Variants in DCC observed in about 807,000 individuals in gnomAD.
DCC encodes the protein DCC netrin 1 receptor.
DCC carries 58 observed loss-of-function variants against 172.5 expected under a neutral mutation model. The observed-to-expected ratio is 0.34, with a 90% CI of 0.27 to 0.42. The LOEUF (loss-of-function observed/expected upper bound fraction) is 0.42, where lower values mean the gene tolerates loss of function less well. Ranked by LOEUF, DCC falls within the 10% of genes least tolerant of loss-of-function variation. DCC has a pLI of 1.00. For missense variants in DCC, 1,740 were observed against 1,791.0 expected (o/e 0.97, Z 0.51); for synonymous variants, 709 against 644.5 (o/e 1.10, Z -1.52).
intron 6 of DCC, 137 bp from the exon 7 acceptor site, chr18:53,065,909 G>C (rs952076617): frequency 1.0e-6 from 1 of 998,134 alleles, no homozygotes; most frequent in East Asian, 2.4e-5. Context: ...ACACGTCTGC[G>C]AGGCTGAGAC....
chr18:53,049,687 C>T (rs1020849979), intron 5 of DCC, among the ~76,000 whole-genome samples: 1 of 151,774 alleles, frequency 6.6e-6, no homozygotes, highest in African/African-American at 2.4e-5. Context: ...TTTTTTGGTT[C>T]CATGTAAATT....
intron 1 of DCC, among the ~76,000 whole-genome samples, chr18:52,748,951 C>G (rs1412731556): frequency 6.6e-6 from 1 of 152,300 alleles, no homozygotes; most frequent in South Asian, 2.1e-4. Flanking sequence ...AATCTCAGCA[C>G]TTCGGGAGGC....
intron 2 of DCC, among the ~76,000 whole-genome samples, chr18:52,856,239 A>C (rs1261925696): frequency 6.6e-6 from 1 of 152,212 alleles, no homozygotes; most frequent in Non-Finnish European, 1.5e-5. Flanking sequence ...GTATATGTGA[A>C]TATAGATAGA....
rs764502378 is a variant in DCC at position 53,261,358 on chromosome 18, G to A, written c.1912-44220G>A. 1.9e-3 allele frequency among the ~76,000 whole-genome samples: 293 copies of A among 152,266 alleles called. 8 individuals carry two copies. The highest frequency in any genetic ancestry group is 1.7e-3 in the East Asian group (9 of 5,154). ...CCATCTTGGCTCCACACCCTCGTGA[G>A]GACGTTTTGTGTCCTCTTCTCCTGC... On this transcript the variant is annotated intron_variant, in intron 12 of 28. Transcript: ENST00000442544.
intron 1 of DCC, among the ~76,000 whole-genome samples, chr18:52,626,631 T>C (rs968890607): frequency 1.3e-5 from 2 of 152,186 alleles, no homozygotes; most frequent in African/African-American, 4.8e-5. Flanking sequence ...ACCTTGTACC[T>C]TCCCAGAAAA....
intron 7 of DCC, among the ~76,000 whole-genome samples, chr18:53,154,590 C>G (rs1157253011): frequency 6.6e-6 from 1 of 152,116 alleles, no homozygotes; most frequent in East Asian, 1.9e-4. Context: ...CTGGGGGACA[C>G]TTGTGGTAAT....
chr18:53,200,043 T>A (rs779893571), intron 9 of DCC, among the ~76,000 whole-genome samples: 3 of 152,112 alleles, frequency 2.0e-5, no homozygotes, highest in African/African-American at 4.8e-5. Context: ...GGCTGGCAAT[T>A]GATAAAAACG....
At chr18:52,989,131 C>T (rs919463861) in intron 5 of DCC, among the ~76,000 whole-genome samples, 3 of 151,994 alleles carry the variant, frequency 2.0e-5, no homozygotes, top group Non-Finnish European at 2.9e-5. Flanking sequence ...TTAATTCATA[C>T]AATATCCACC....
At chr18:52,409,813 G>T (rs1986783691) in intron 1 of DCC, among the ~76,000 whole-genome samples, 1 of 152,130 alleles carries the variant, frequency 6.6e-6, no homozygotes, top group African/African-American at 2.4e-5. Flanking sequence ...GAGATTGTCA[G>T]GTAGGAAGGG....
intron 5 of DCC, among the ~76,000 whole-genome samples, chr18:52,952,057 A>G (rs2040656793): frequency 6.6e-6 from 1 of 152,204 alleles, no homozygotes; most frequent in African/African-American, 2.4e-5. Context: ...GGGCTAATCT[A>G]GCTTTGAAAA....
intron 15 of DCC, among the ~76,000 whole-genome samples, chr18:53,377,124 A>G (rs1907345788): frequency 7.1e-6 from 1 of 140,010 alleles, no homozygotes; most frequent in Non-Finnish European, 1.5e-5. Context: ...GATAACACAG[A>G]GGATACAAGG....
chr18:52,480,361 G>C (rs530817524), intron 1 of DCC, among the ~76,000 whole-genome samples: 57 of 152,174 alleles, frequency 3.7e-4, no homozygotes, highest in African/African-American at 1.3e-3. Context: ...ACAAACAATA[G>C]AACTGTGAAT....
At chr18:53,131,449 T>TA (rs1284777473) in intron 7 of DCC, among the ~76,000 whole-genome samples, 1 of 152,130 alleles carries the variant, frequency 6.6e-6, no homozygotes, top group East Asian at 1.9e-4. Context: ...AAATTAAGCA[T>TA]ATTGGAAACA....
At chr18:52,570,928 G>A (rs956469297) in intron 1 of DCC, among the ~76,000 whole-genome samples, 14 of 152,074 alleles carry the variant, frequency 9.2e-5, no homozygotes, top group African/African-American at 3.1e-4. Context: ...TTTCTAGCTG[G>A]CTGTGTCATG....
intron 2 of DCC, among the ~76,000 whole-genome samples, chr18:52,840,924 AAAT>A (rs1403974754): frequency 6.6e-6 from 1 of 151,632 alleles, no homozygotes; most frequent in Non-Finnish European, 1.5e-5. Flanking sequence ...AGGGAAACAT[AAAT>A]AAACCTGCTA....
chr18:53,342,092 A>G (rs935152634), intron 15 of DCC, among the ~76,000 whole-genome samples: 7 of 152,088 alleles, frequency 4.6e-5, no homozygotes, highest in African/African-American at 1.7e-4. Flanking sequence ...ATTAAACTAT[A>G]AAAAAGCTAT....
chr18:53,334,009 A>T (rs1323893592), intron 14 of DCC, among the ~76,000 whole-genome samples: 2 of 152,190 alleles, frequency 1.3e-5, no homozygotes, highest in Non-Finnish European at 2.9e-5. Context: ...TTACCAAGTC[A>T]AAGACCTATG....
At chr18:52,495,519 G>A (rs2030708407) in intron 1 of DCC, among the ~76,000 whole-genome samples, 1 of 152,030 alleles carries the variant, frequency 6.6e-6, no homozygotes, top group Admixed American at 6.6e-5. Context: ...CACTGCTTCA[G>A]CAAAAATCTG....
intron 1 of DCC, among the ~76,000 whole-genome samples, chr18:52,743,817 TC>T (rs1368280130): frequency 6.6e-6 from 1 of 152,184 alleles, no homozygotes; most frequent in African/African-American, 2.4e-5. Flanking sequence ...CAAATTTAGT[TC>T]CCTGTAAAGG....
Sources: allele counts gnomAD v4.1 joint callset (sites outside exome capture counted in the v4.1 genomes callset), GRCh38; gene constraint gnomAD v4.1.1; transcripts MANE v1.5; gene names NCBI Gene and HGNC (gene_info 2026-07-23, HGNC 2026-07-21).